The following CWC22 variants were observed in gnomAD, a reference collection of about 807,000 sequenced individuals.
The protein encoded by CWC22 is pre-mRNA-splicing factor CWC22 homolog.
A neutral mutation model predicts 117.2 loss-of-function variants in CWC22; 53 were observed. The observed-to-expected ratio is 0.45, with a 90% CI of 0.36 to 0.57. The LOEUF (loss-of-function observed/expected upper bound fraction) is 0.57, where lower values mean the gene tolerates loss of function less well. Ranked by LOEUF, CWC22 falls within the 20% of genes least tolerant of loss-of-function variation. The pLI, the probability that CWC22 is intolerant of heterozygous loss-of-function variation, is 0.00. For synonymous variants in CWC22, 360 were observed against 355.6 expected, an observed-to-expected ratio of 1.01 and a Z score of -0.14; for missense variants, 980 against 1,068.8, an observed-to-expected ratio of 0.92 and a Z score of 1.16.
intron 4 of CWC22, among the ~76,000 whole-genome samples, chr2:179,984,841 A>C (rs1377959527): frequency 6.6e-6 from 1 of 152,098 alleles, no homozygotes; most frequent in African/African-American, 2.4e-5. Context: ...ATTCAGAATC[A>C]ACCACGTTGT....
chr2:179,969,332 T>C (rs982824099), intron 11 of CWC22, among the ~76,000 whole-genome samples: 7 of 152,226 alleles, frequency 4.6e-5, no homozygotes, highest in African/African-American at 7.2e-5. Context: ...GAATCTGGCA[T>C]ATTACAGTGA....
At chr2:180,004,463 C>T (rs1687921562) in intron 1 of CWC22, among the ~76,000 whole-genome samples, 1 of 152,020 alleles carries the variant, frequency 6.6e-6, no homozygotes, top group African/African-American at 2.4e-5. Flanking sequence ...GAGAGCTCAG[C>T]TCACTGCAAC....
intron 1 of CWC22, among the ~76,000 whole-genome samples, chr2:179,999,412 T>C (rs759469798): frequency 3.9e-5 from 6 of 152,282 alleles, no homozygotes; most frequent in East Asian, 3.9e-4. Context: ...ATAGGAGATA[T>C]AGTATTCACG....
At chr2:179,950,772 C>T (rs1386136405) in intron 18 of CWC22, 40 bp from the exon 19 acceptor site, 2 of 1,598,194 alleles carry the variant, frequency 1.3e-6, no homozygotes, top group African/African-American at 2.7e-5. Context: ...ATTTCAAAGA[C>T]AATTATGAGA....
At chr2:179,973,305 A>G in intron 7 of CWC22, 59 bp from the exon 8 acceptor site, 4 of 1,190,140 alleles carry the variant, frequency 3.4e-6, no homozygotes, top group Non-Finnish European at 2.4e-6. Flanking sequence ...ATTTATTTAC[A>G]TAATCTATGG....
intron 1 of CWC22, among the ~76,000 whole-genome samples, chr2:180,001,355 TCTGA>T (rs1488427694): frequency 1.3e-5 from 2 of 150,268 alleles, no homozygotes; most frequent in Non-Finnish European, 3.0e-5. Flanking sequence ...TGAGACAGAG[TCTGA>T]CTGTCACCCA....
At chr2:179,966,033 G>A in intron 11 of CWC22, 51 bp from the exon 12 acceptor site, 1 of 1,348,804 alleles carries the variant, frequency 7.4e-7, no homozygotes, top group Non-Finnish European at 1.0e-6. Flanking sequence ...TCATATACAT[G>A]TATTTCATTC....
At chr2:179,981,415 T>C (rs1314260830) in intron 5 of CWC22, among the ~76,000 whole-genome samples, 1 of 152,174 alleles carries the variant, frequency 6.6e-6, no homozygotes, top group East Asian at 1.9e-4. Context: ...TCAGTATTAC[T>C]CTTTTCTACA....
intron 13 of CWC22, among the ~76,000 whole-genome samples, chr2:179,961,000 C>T (rs898471885): frequency 6.6e-5 from 10 of 151,906 alleles, no homozygotes; most frequent in Non-Finnish European, 1.2e-4. Flanking sequence ...AGGTGAAAGG[C>T]GTACCAGGAG....
At position 179,945,838 on chromosome 2, in the gene CWC22, T is replaced by C. The variant is rs779343178; in HGVS notation, c.2141-123A>G. 129 of 610,158 alleles carry C rather than the reference T, an allele frequency of 2.1e-4. 1 individual carries two copies. The East Asian group carries it at 2.2e-3, about 11-fold the overall frequency. The allele number at this position is 610,158 out of a possible 1,614,324, so 37.8% of individuals were successfully genotyped here. ...CAGATAAACTAGGTGCAAAGCCAAA[T>C]TGATTGAATAGAAAGTCTGATGACA... is the stretch of plus-strand genomic sequence containing the variant. On this transcript the variant is annotated intron_variant, in intron 19 of 19. Coordinates refer to ENST00000410053, the MANE Select transcript of CWC22 (RefSeq NM_020943.3).
chr2:179,972,900 T>C (rs1013492080), intron 8 of CWC22, among the ~76,000 whole-genome samples: 5 of 151,640 alleles, frequency 3.3e-5, no homozygotes, highest in African/African-American at 1.2e-4. Context: ...TCCCAGCTAC[T>C]CGGGAGGCTG....
chr2:179,959,175 T>A (rs1258768102), intron 13 of CWC22, 93 bp from the exon 14 acceptor site: 11 of 787,182 alleles, frequency 1.4e-5, no homozygotes, highest in African/African-American at 8.7e-5. Flanking sequence ...TTTTAAATCA[T>A]CTTTTTTAAC....
At chr2:179,954,394 T>C in intron 15 of CWC22, 37 bp from the exon 16 acceptor site, 1 of 1,326,816 alleles carries the variant, frequency 7.5e-7, no homozygotes, top group Non-Finnish European at 1.1e-6. Context: ...AAAAATTGAA[T>C]GTTAATACAA....
At chr2:179,988,488 C>A in intron 3 of CWC22, 89 bp downstream of exon 3, 2 of 693,370 alleles carry the variant, frequency 2.9e-6, no homozygotes, top group Non-Finnish European at 4.9e-6. Context: ...AAGTTATCCA[C>A]CCTAAAATTA....
chr2:179,968,770 G>A (rs1478102269), intron 11 of CWC22, among the ~76,000 whole-genome samples: 1 of 151,776 alleles, frequency 6.6e-6, no homozygotes, highest in Non-Finnish European at 1.5e-5. Flanking sequence ...ATTTCACCAT[G>A]TTGGTCAGAC....
intron 19 of CWC22, among the ~76,000 whole-genome samples, chr2:179,948,054 A>G (rs1162549279): frequency 1.3e-5 from 2 of 152,228 alleles, no homozygotes; most frequent in Admixed American, 1.3e-4. Context: ...TAGCATTTCC[A>G]CTTCCAGGTA....
At chr2:179,982,102 A>T in intron 4 of CWC22, 105 bp from the exon 5 acceptor site, 1 of 654,760 alleles carries the variant, frequency 1.5e-6, no homozygotes, top group East Asian at 2.7e-5. Context: ...CCACAAATTC[A>T]GACTAGGAAA....
intron 11 of CWC22, 69 bp downstream of exon 11, chr2:179,970,432 C>A: frequency 1.5e-6 from 2 of 1,324,386 alleles, no homozygotes; most frequent in Non-Finnish European, 2.1e-6. Flanking sequence ...TATTTGCTAT[C>A]AGTATTACGT....
chr2:179,950,892 G>A lies in CWC22; in HGVS notation c.1852C>T (p.Arg618Ter). ...LQPFFEGLLP[R>*]DNPRNTRFAI... is the part of the protein sequence containing the mutation. ...AACCGAGTGTTTCTTGGATTATCTC[G>A]GGGTAATAATCCTTCAAAGAATGGC... Residue 618 changes from arginine (R) to a stop codon, truncating the protein, a stop_gained, in exon 18 of 20, where the codon CGA becomes TGA. Transcript: ENST00000410053. LOFTEE classifies it high-confidence loss of function. 1.9e-6 allele frequency: 3 copies of A among 1,581,884 alleles called. No homozygotes were observed.
Sources: allele counts gnomAD v4.1 joint callset (sites outside exome capture counted in the v4.1 genomes callset), GRCh38; gene constraint gnomAD v4.1.1; transcripts MANE v1.5; gene names NCBI Gene and HGNC (gene_info 2026-07-23, HGNC 2026-07-21).